ADAM9: variants seen among roughly 807,000 people sequenced by gnomAD.
ADAM9 encodes the protein disintegrin and metalloproteinase domain-containing protein 9.
Under a neutral mutation model 108.1 loss-of-function variants are expected in ADAM9, and 54 were observed. That is an observed-to-expected ratio of 0.50 (90% CI 0.40 to 0.63). The LOEUF is 0.63. Ranked by LOEUF, ADAM9 falls within the 20% of genes least tolerant of loss-of-function variation. ADAM9 has a pLI of 0.00. For synonymous variants in ADAM9, 316 were observed against 336.0 expected, an observed-to-expected ratio of 0.94 and a Z score of 0.65; for missense variants, 830 against 997.7, an observed-to-expected ratio of 0.83 and a Z score of 2.26.
intron 2 of ADAM9, among the ~76,000 whole-genome samples, chr8:39,008,964 A>G (rs1836255522): frequency 6.6e-6 from 1 of 152,222 alleles, no homozygotes. Flanking sequence ...AATGCATAGA[A>G]TTTAGCTTAT....
At position 39,025,848 on chromosome 8, in the gene ADAM9, A is replaced by G; in HGVS notation, c.960A>G (p.Thr320=). 1 of 1,614,194 alleles carries G rather than the reference A, an allele frequency of 6.2e-7. No individual in the cohort carries two copies. Among genetic ancestry groups the G allele is most frequent in the Non-Finnish European group, 8.5e-7 (1 of 1,180,030 alleles). Residue 320 remains threonine (T), a synonymous_variant, in exon 10 of 22, where the codon ACA becomes ACG. Coordinates refer to ENST00000487273, the MANE Select transcript of ADAM9 (RefSeq NM_003816.3). The part of the protein sequence containing the change: ...GGTAGMAFVG[T]VCSRSHAGGI... ...CTGCAGGAATGGCATTTGTGGGAAC[A>G]GTGTGTTCAAGGAGCCACGCAGGCG...
chr8:39,001,905 T>C (rs1210512753), intron 1 of ADAM9, among the ~76,000 whole-genome samples: 1 of 151,976 alleles, frequency 6.6e-6, no homozygotes, highest in Non-Finnish European at 1.5e-5. Context: ...CCTGACCTTG[T>C]GATCCACCCG....
At chr8:39,086,975 A>G (rs552723995) in intron 18 of ADAM9, among the ~76,000 whole-genome samples, 94 of 152,248 alleles carry the variant, frequency 6.2e-4, no homozygotes, top group South Asian at 1.2e-3. Flanking sequence ...ATTTCCACCA[A>G]TCTTTTCACA....
chr8:39,008,897 C>T (rs1406769330), intron 2 of ADAM9, among the ~76,000 whole-genome samples: 2 of 151,938 alleles, frequency 1.3e-5, no homozygotes, highest in East Asian at 3.8e-4. Flanking sequence ...TTTATAAGTC[C>T]TTCAACTTTA....
chr8:39,023,461 C>A, intron 9 of ADAM9, 136 bp downstream of exon 9: 2 of 893,820 alleles, frequency 2.2e-6, no homozygotes, highest in Non-Finnish European at 3.3e-6. Flanking sequence ...CTTGATGTGG[C>A]ATTATCATGA....
At chr8:39,013,381 A>AC (rs1481510084) in intron 3 of ADAM9, among the ~76,000 whole-genome samples, 7 of 51,376 alleles carry the variant, frequency 1.4e-4, no homozygotes, top group South Asian at 8.9e-4. Flanking sequence ...ATGTTGTCTT[A>AC]AATTTTTTGG....
In ADAM9 at chr8:39,045,378, ACC is replaced by A. The variant is rs751267120; in HGVS notation, c.1302+3262_1302+3263del. 1.3e-3 allele frequency among the ~76,000 whole-genome samples: 155 copies of A among 118,022 alleles called. 2 individuals carry two copies. Among genetic ancestry groups the A allele is most frequent in the East Asian group, 3.2e-3 (13 of 4,062 alleles). 77.4% of individuals were successfully genotyped at this position (118,022 alleles called of 152,430 possible). A position where few individuals can be genotyped will look rare whatever the true frequency, so the allele number is the denominator to read the frequency against. ...CATACATATAGGTGTGTGTACATAC[ACC>A]TATAGGTGTGTGTACACACACCTAT... On this transcript the variant is annotated intron_variant, in intron 12 of 21. Coordinates refer to ENST00000487273, the MANE Select transcript of ADAM9 (RefSeq NM_003816.3).
intron 11 of ADAM9, among the ~76,000 whole-genome samples, chr8:39,036,741 A>G (rs922690842): frequency 7.2e-5 from 11 of 152,176 alleles, no homozygotes; most frequent in African/African-American, 2.7e-4. Context: ...CCTCTAAAGC[A>G]TTTTAAAGTC....
intron 1 of ADAM9, among the ~76,000 whole-genome samples, chr8:39,002,084 C>G (rs1588317040): frequency 6.7e-6 from 1 of 148,600 alleles, no homozygotes; most frequent in Middle Eastern, 3.6e-3. Context: ...TTGCACCAAC[C>G]TATTATATGG....
At chr8:39,085,707 A>G (rs1446282327) in intron 18 of ADAM9, among the ~76,000 whole-genome samples, 2 of 152,228 alleles carry the variant, frequency 1.3e-5, no homozygotes, top group South Asian at 2.1e-4. Context: ...TTCTTTGTAT[A>G]TAATGTCTTC....
intron 18 of ADAM9, among the ~76,000 whole-genome samples, chr8:39,086,847 T>C (rs1283417320): frequency 6.6e-6 from 1 of 152,210 alleles, no homozygotes; most frequent in Non-Finnish European, 1.5e-5. Flanking sequence ...TGATTCTGCT[T>C]CATTACTGAG....
chr8:39,063,789 C>CAT (rs1838370184), intron 14 of ADAM9, among the ~76,000 whole-genome samples: 1 of 152,162 alleles, frequency 6.6e-6, no homozygotes. Flanking sequence ...AGTCTCCCCA[C>CAT]ATGTCCTCAT....
chr8:39,083,039 C>T lies in ADAM9; in HGVS notation c.2034C>T (p.Tyr678=), dbSNP rs781169753. Reference sequence around the variant, plus strand: ...CCCCAAATTGTGAGACTAAAGGATACGGAGGAAGTGTGGACAGTGGACCTA... The same window carrying T: ...CCCCAAATTGTGAGACTAAAGGATATGGAGGAAGTGTGGACAGTGGACCTA... The part of the protein sequence containing the change: ...WAPPNCETKG[Y]GGSVDSGPTY... The change falls in exon 18 of 22, where the codon TAC becomes TAT. Residue 678 remains tyrosine, a synonymous_variant. Coordinates refer to ENST00000487273, the MANE Select transcript of ADAM9 (RefSeq NM_003816.3). The T allele has an allele frequency of 8.7e-6, 14 of 1,613,728 alleles. 1 individual carries two copies. Among genetic ancestry groups the T allele is most frequent in the South Asian group, 3.3e-5 (3 of 91,072 alleles).
chr8:39,058,610 T>C (rs1838200420), intron 14 of ADAM9, among the ~76,000 whole-genome samples: 1 of 152,246 alleles, frequency 6.6e-6, no homozygotes, highest in Non-Finnish European at 1.5e-5. Flanking sequence ...TTCGGATCAG[T>C]AATTCTACCT....
At chr8:39,050,156 G>A (rs1398326026) in intron 12 of ADAM9, among the ~76,000 whole-genome samples, 1 of 152,112 alleles carries the variant, frequency 6.6e-6, no homozygotes, top group East Asian at 1.9e-4. Context: ...TCCCTTGTAT[G>A]TGATGAATTG....
intron 16 of ADAM9, among the ~76,000 whole-genome samples, chr8:39,080,494 A>C (rs1302740898): frequency 1.3e-5 from 2 of 152,186 alleles, no homozygotes; most frequent in Admixed American, 1.3e-4. Context: ...ACCCAAACTG[A>C]CATGCCGTTG....
chr8:39,046,444 T>G (rs1588381019), intron 12 of ADAM9, among the ~76,000 whole-genome samples: 1 of 152,330 alleles, frequency 6.6e-6, no homozygotes, highest in East Asian at 1.9e-4. Flanking sequence ...CCGATTTAGA[T>G]GCCTTTTAGT....
chr8:39,082,543 T>A (rs748208998), intron 16 of ADAM9, 98 bp from the exon 17 acceptor site: 28 of 852,604 alleles, frequency 3.3e-5, no homozygotes, highest in Non-Finnish European at 4.8e-5. Context: ...TTGAAAGAAT[T>A]CTGCAATGAA....
chr8:39,044,266 G>A (rs1368142299), intron 12 of ADAM9, among the ~76,000 whole-genome samples: 1 of 152,054 alleles, frequency 6.6e-6, no homozygotes, highest in African/African-American at 2.4e-5. Context: ...TGATTTTTGT[G>A]TATGGCGTAA....
Sources: allele counts gnomAD v4.1 joint callset (sites outside exome capture counted in the v4.1 genomes callset), GRCh38; gene constraint gnomAD v4.1.1; transcripts MANE v1.5; gene names NCBI Gene and HGNC (gene_info 2026-07-23, HGNC 2026-07-21).